The following FOXP2 variants were observed in gnomAD, a reference collection of about 807,000 sequenced individuals.
FOXP2 encodes forkhead box protein P2.
In FOXP2, 12 loss-of-function variants were observed where a neutral mutation model predicts 115.8. The observed-to-expected ratio is 0.10, with a 90% CI of 0.07 to 0.17. The LOEUF (loss-of-function observed/expected upper bound fraction) is 0.17. FOXP2 is among the 10% of genes least tolerant of loss of function. FOXP2 has a pLI of 1.00. For missense variants in FOXP2, 629 were observed against 843.5 expected, an observed-to-expected ratio of 0.75 and a Z score of 3.15; for synonymous variants, 328 against 297.7, an observed-to-expected ratio of 1.10 and a Z score of -1.05.
intron 6 of FOXP2, among the ~76,000 whole-genome samples, chr7:114,636,472 A>T (rs539472931): frequency 6.6e-6 from 1 of 152,178 alleles, no homozygotes; most frequent in African/African-American, 2.4e-5. Flanking sequence ...ACTTTAAATT[A>T]TAAGTAACCT....
intron 1 of FOXP2, among the ~76,000 whole-genome samples, chr7:114,096,043 G>A (rs1799641272): frequency 6.6e-6 from 1 of 152,092 alleles, no homozygotes. Context: ...CTTCATCTAG[G>A]TTGTTTTTTC....
At chr7:114,565,100 A>ATT (rs34273757) in intron 3 of FOXP2, among the ~76,000 whole-genome samples, 1 of 145,812 alleles carries the variant, frequency 6.9e-6, no homozygotes. Context: ...TATGCAACCA[A>ATT]TTTTTTTTTT....
At chr7:114,562,713 T>G (rs535206246) in intron 3 of FOXP2, among the ~76,000 whole-genome samples, 5 of 152,292 alleles carry the variant, frequency 3.3e-5, no homozygotes, top group African/African-American at 1.2e-4. Flanking sequence ...CAAAAACCAA[T>G]TAAACAAAAT....
intron 2 of FOXP2, among the ~76,000 whole-genome samples, chr7:114,394,117 A>C (rs1274581734): frequency 7.2e-5 from 11 of 152,030 alleles, no homozygotes; most frequent in Non-Finnish European, 1.6e-4. Context: ...TTCCTTTCTA[A>C]ATACCATTTT....
intron 1 of FOXP2, among the ~76,000 whole-genome samples, chr7:114,111,727 TGGAG>T (rs1791272654): frequency 6.6e-6 from 1 of 152,030 alleles, no homozygotes; most frequent in Non-Finnish European, 1.5e-5. Context: ...ATATCCTGGT[TGGAG>T]GAAGAGATCT....
intron 1 of FOXP2, among the ~76,000 whole-genome samples, chr7:114,200,981 C>A (rs1043129216): frequency 3.9e-5 from 6 of 151,956 alleles, no homozygotes; most frequent in African/African-American, 1.4e-4. Context: ...ATGGTGAAAC[C>A]CTGTTTCTAC....
At chr7:114,534,376 G>A (rs1799277615) in intron 2 of FOXP2, among the ~76,000 whole-genome samples, 1 of 151,724 alleles carries the variant, frequency 6.6e-6, no homozygotes, top group Non-Finnish European at 1.5e-5. Context: ...TCCTCTTTAA[G>A]CACTTTAAAC....
At chr7:114,469,536 A>C (rs1279478582) in intron 2 of FOXP2, among the ~76,000 whole-genome samples, 1 of 152,216 alleles carries the variant, frequency 6.6e-6, no homozygotes, top group Non-Finnish European at 1.5e-5. Context: ...GTATGCCTAG[A>C]ATTATAGAAA....
chr7:114,630,314 G>A (rs1269064824), intron 5 of FOXP2, among the ~76,000 whole-genome samples: 1 of 152,070 alleles, frequency 6.6e-6, no homozygotes, highest in Admixed American at 6.6e-5. Flanking sequence ...AAGTTGGTGA[G>A]GGAACCTTAT....
chr7:114,558,105 C>T (rs1420989321), intron 3 of FOXP2, among the ~76,000 whole-genome samples: 1 of 152,048 alleles, frequency 6.6e-6, no homozygotes. Context: ...CTGCACCCAG[C>T]CCTGACTTTT....
At chr7:114,570,413 T>C (rs1438448423) in intron 3 of FOXP2, among the ~76,000 whole-genome samples, 2 of 151,884 alleles carry the variant, frequency 1.3e-5, no homozygotes, top group Non-Finnish European at 2.9e-5. Flanking sequence ...GGTTTGCTTT[T>C]TCAAAATTAT....
intron 2 of FOXP2, among the ~76,000 whole-genome samples, chr7:114,312,471 A>G (rs1232584475): frequency 2.0e-5 from 3 of 152,088 alleles, no homozygotes; most frequent in Non-Finnish European, 4.4e-5. Context: ...TTCAAACCTG[A>G]CCCAGAGAAC....
chr7:114,557,498 AT>A lies in FOXP2; in HGVS notation c.258+22799del, dbSNP rs79860341. Among the ~76,000 whole-genome samples, 651 of 152,002 alleles carry A rather than the reference AT, an allele frequency of 4.3e-3. 8 individuals are homozygous for A. Among genetic ancestry groups the A allele is most frequent in the African/African-American group, 0.015 (614 of 41,444 alleles). On this transcript the variant is annotated intron_variant, in intron 3 of 16. Transcript: ENST00000350908. ...ATTCATGTTAAATATAATAAGAAGT[AT>A]TTTTTTCTGACTCCCAAATTTTAAA...
intron 3 of FOXP2, among the ~76,000 whole-genome samples, chr7:114,586,888 A>C (rs1802162532): frequency 6.6e-6 from 1 of 152,012 alleles, no homozygotes; most frequent in Non-Finnish European, 1.5e-5. Flanking sequence ...CTAGTAGAAA[A>C]TTTCACGCTA....
chr7:114,136,998 C>A (rs1264659215), intron 1 of FOXP2, among the ~76,000 whole-genome samples: 1 of 151,890 alleles, frequency 6.6e-6, no homozygotes, highest in East Asian at 1.9e-4. Context: ...AATTTAAATT[C>A]TTGGTTTTGA....
At chr7:114,400,744 T>A (rs1329313317) in intron 2 of FOXP2, among the ~76,000 whole-genome samples, 1 of 152,122 alleles carries the variant, frequency 6.6e-6, no homozygotes, top group East Asian at 1.9e-4. Flanking sequence ...CTATGAGGAC[T>A]TAATGCTACC....
chr7:114,467,798 A>C (rs569340873), intron 2 of FOXP2, among the ~76,000 whole-genome samples: 1 of 152,356 alleles, frequency 6.6e-6, no homozygotes, highest in East Asian at 1.9e-4. Flanking sequence ...AAGCATTAAC[A>C]GTAAGGTAGT....
At chr7:114,571,686 C>A (rs1801311191) in intron 3 of FOXP2, among the ~76,000 whole-genome samples, 1 of 151,778 alleles carries the variant, frequency 6.6e-6, no homozygotes, top group African/African-American at 2.4e-5. Flanking sequence ...ATTGTAACAA[C>A]TGTTTATACA....
chr7:114,345,669 G>A (rs549199464), intron 2 of FOXP2, among the ~76,000 whole-genome samples: 11 of 151,656 alleles, frequency 7.3e-5, no homozygotes, highest in Non-Finnish European at 1.6e-4. Context: ...TTAGGGCTTA[G>A]GGAGTGAAAT....
Sources: gnomAD v4.1 joint callset for allele counts (sites outside exome capture counted in the v4.1 genomes callset) on GRCh38, gnomAD v4.1.1 for gene constraint, MANE v1.5 for transcripts, NCBI Gene and HGNC (gene_info 2026-07-23, HGNC 2026-07-21) for gene names.